Variants in LRRC4C observed in about 807,000 individuals in gnomAD.
LRRC4C encodes leucine rich repeat containing 4C.
In LRRC4C, 5 loss-of-function variants were observed where a neutral mutation model predicts 33.6. The observed-to-expected ratio is 0.15, with a 90% confidence interval of 0.08 to 0.31. The LOEUF is 0.31. LRRC4C is among the 10% of genes least tolerant of loss of function. LRRC4C has a pLI of 1.00. For missense variants in LRRC4C, 560 were observed against 796.7 expected, an observed-to-expected ratio of 0.70 and a Z score of 3.58; for synonymous variants, 329 against 302.0, an observed-to-expected ratio of 1.09 and a Z score of -0.93.
chr11:40,223,119 G>A (rs1864538845), intron 5 of LRRC4C, among the ~76,000 whole-genome samples: 1 of 152,134 alleles, frequency 6.6e-6, no homozygotes, highest in Non-Finnish European at 1.5e-5. Context: ...TTGAATGGCA[G>A]GGTAATGGGT....
intron 4 of LRRC4C, among the ~76,000 whole-genome samples, chr11:40,242,349 G>A (rs1947356): frequency 0.75 from 113,328 of 152,058 alleles, 46,171 homozygotes; most frequent in East Asian, 0.95. Flanking sequence ...GTATGGGACA[G>A]TATCTTTGAA....
intron 4 of LRRC4C, among the ~76,000 whole-genome samples, chr11:40,256,308 C>A (rs1045614259): frequency 5.9e-5 from 9 of 152,142 alleles, no homozygotes; most frequent in Admixed American, 3.3e-4. Flanking sequence ...TGAACAGGTA[C>A]CTCATCTCAG....
intron 2 of LRRC4C, among the ~76,000 whole-genome samples, chr11:40,699,952 G>A (rs917315523): frequency 1.3e-5 from 2 of 152,078 alleles, no homozygotes; most frequent in African/African-American, 4.8e-5. Context: ...AAATTACACA[G>A]CTTCTTAGTA....
At chr11:41,182,682 A>G (rs1307353301) in intron 1 of LRRC4C, among the ~76,000 whole-genome samples, 1 of 152,098 alleles carries the variant, frequency 6.6e-6, no homozygotes, top group Non-Finnish European at 1.5e-5. Flanking sequence ...TATTTTTAAT[A>G]CCTCAAAAAA....
chr11:40,863,949 C>CA, intron 2 of LRRC4C, among the ~76,000 whole-genome samples: 1 of 151,876 alleles, frequency 6.6e-6, no homozygotes, highest in Non-Finnish European at 1.5e-5. Flanking sequence ...CTTTTTTCAT[C>CA]AAAAAATCTT....
At chr11:40,619,702 T>C (rs964761536) in intron 3 of LRRC4C, among the ~76,000 whole-genome samples, 2 of 151,702 alleles carry the variant, frequency 1.3e-5, no homozygotes, top group African/African-American at 4.8e-5. Flanking sequence ...AGTTAGTCCC[T>C]CTTGGTATGT....
chr11:41,446,074 GT>G (rs576555451), intron 1 of LRRC4C, among the ~76,000 whole-genome samples: 1 of 152,146 alleles, frequency 6.6e-6, no homozygotes, highest in Non-Finnish European at 1.5e-5. Context: ...ACAAGTGAAA[GT>G]GAATGAAGGT....
intron 1 of LRRC4C, among the ~76,000 whole-genome samples, chr11:41,445,865 C>CGTGTGTGTGTGTGTGTGTGTGTGTGT (rs748457357): frequency 5.9e-5 from 8 of 135,554 alleles, no homozygotes; most frequent in African/African-American, 1.1e-4. Context: ...TGAGTGACTG[C>CGTGTGTGTGTGTGTGTGTGTGTGTGT]ATGTGTGTGT....
At chr11:40,761,640 CTT>C (rs750459804) in intron 2 of LRRC4C, among the ~76,000 whole-genome samples, 33 of 152,202 alleles carry the variant, frequency 2.2e-4, no homozygotes, top group African/African-American at 3.9e-4. Context: ...GCAAAACACA[CTT>C]ATTATTATTA....
chr11:40,116,019 T>C lies in LRRC4C; in HGVS notation c.274A>G (p.Lys92Glu). Residue 92 changes from lysine (K) to glutamate (E), a missense_variant, in exon 7 of 7, where the codon AAA becomes GAA. Transcript: ENST00000528697. ...CTCAAGTGCTTGAAGCTGTTCACTT[T>C]GATGATCTGGATTTGGTTCTCATGG... is the stretch of plus-strand genomic sequence containing the variant. ...NLHENQIQII[K>E]VNSFKHLRHL... 1 of 1,614,150 alleles carries C rather than the reference T, an allele frequency of 6.2e-7. No homozygotes were observed. Among genetic ancestry groups the C allele is most frequent in the Non-Finnish European group, 8.5e-7 (1 of 1,180,028 alleles).
At chr11:40,717,312 T>C (rs769855217) in intron 2 of LRRC4C, among the ~76,000 whole-genome samples, 34 of 151,882 alleles carry the variant, frequency 2.2e-4, no homozygotes, top group Non-Finnish European at 4.3e-4. Context: ...CTCTAAGATG[T>C]TAACAATTTT....
chr11:41,139,668 T>G (rs1464802448), intron 1 of LRRC4C, among the ~76,000 whole-genome samples: 1 of 151,788 alleles, frequency 6.6e-6, no homozygotes, highest in Non-Finnish European at 1.5e-5. Context: ...ATCCAGGAAA[T>G]GCTGTGGGTC....
intron 1 of LRRC4C, among the ~76,000 whole-genome samples, chr11:40,977,986 G>A (rs954391689): frequency 1.3e-5 from 2 of 152,118 alleles, no homozygotes; most frequent in African/African-American, 4.8e-5. Context: ...ATAAAATATT[G>A]TCATGGCCAC....
chr11:40,933,341 C>G (rs1325220844), intron 2 of LRRC4C, among the ~76,000 whole-genome samples: 2 of 152,218 alleles, frequency 1.3e-5, no homozygotes, highest in African/African-American at 4.8e-5. Context: ...CCCACACTCA[C>G]CAGTGAGAGC....
chr11:40,776,390 T>C (rs921356642), intron 2 of LRRC4C, among the ~76,000 whole-genome samples: 10 of 152,136 alleles, frequency 6.6e-5, no homozygotes, highest in Non-Finnish European at 1.2e-4. Context: ...AGGTTTCTTA[T>C]GATTGATTCC....
intron 2 of LRRC4C, among the ~76,000 whole-genome samples, chr11:40,656,373 G>A (rs1168904029): frequency 6.6e-6 from 1 of 151,636 alleles, no homozygotes; most frequent in African/African-American, 2.4e-5. Flanking sequence ...TGAGTGAGCA[G>A]GCTTATTCTG....
At chr11:40,928,561 T>A (rs1359020244) in intron 2 of LRRC4C, among the ~76,000 whole-genome samples, 1 of 152,064 alleles carries the variant, frequency 6.6e-6, no homozygotes, top group Non-Finnish European at 1.5e-5. Flanking sequence ...ATTTATTGAA[T>A]ATTTACTCTG....
chr11:40,406,852 T>C (rs1446131282), intron 3 of LRRC4C, among the ~76,000 whole-genome samples: 1 of 152,090 alleles, frequency 6.6e-6, no homozygotes, highest in Non-Finnish European at 1.5e-5. Context: ...AGCAAGGAAA[T>C]ATGAAATACT....
At chr11:41,332,982 A>G (rs186934922) in intron 1 of LRRC4C, among the ~76,000 whole-genome samples, 96 of 152,302 alleles carry the variant, frequency 6.3e-4, no homozygotes, top group Non-Finnish European at 1.1e-3. Context: ...TCTCTTGTAA[A>G]AGTTTCTGAA....
Sources: allele counts gnomAD v4.1 joint callset (sites outside exome capture counted in the v4.1 genomes callset), GRCh38; gene constraint gnomAD v4.1.1; transcripts MANE v1.5; gene names NCBI Gene and HGNC (gene_info 2026-07-23, HGNC 2026-07-21).